BIRC6: variants seen among roughly 807,000 people sequenced by gnomAD.
The protein encoded by BIRC6 is baculoviral IAP repeat containing 6, also known as dual E2 ubiquitin-conjugating enzyme/E3 ubiquitin-protein ligase BIRC6.
BIRC6 carries 98 observed loss-of-function variants against 503.3 expected under a neutral mutation model. The ratio of observed to expected loss-of-function variants is 0.19; its 90% confidence interval spans 0.17 to 0.23. The LOEUF is 0.23. Among genes scored for constraint, BIRC6 ranks in the 10% least tolerant of loss-of-function variants. The probability of loss-of-function intolerance (pLI) is 1.00; values close to 1 mark genes in which losing one functional copy is unlikely to be tolerated. For missense variants in BIRC6, 5,360 were observed against 5,806.0 expected (o/e 0.92, Z 2.50); for synonymous variants, 2,240 against 2,078.7 (o/e 1.08, Z -2.11).
chr2:32,616,468 G>A (rs1315017051), intron 73 of BIRC6, among the ~76,000 whole-genome samples: 1 of 149,656 alleles, frequency 6.7e-6, no homozygotes, highest in Non-Finnish European at 1.5e-5. Flanking sequence ...GCTGAGGCAT[G>A]AGAATTGCTT....
intron 66 of BIRC6, chr2:32,590,747 G>A (rs2061342226): frequency 1.0e-6 from 1 of 968,620 alleles, no homozygotes; most frequent in African/African-American, 1.8e-5. Flanking sequence ...AGTGGAAAAT[G>A]TTTGCAGATA....
chr2:32,584,282 C>G (rs1443159487), intron 66 of BIRC6, among the ~76,000 whole-genome samples: 1 of 152,120 alleles, frequency 6.6e-6, no homozygotes, highest in Non-Finnish European at 1.5e-5. Context: ...TTAATCCCAG[C>G]CCTTCGGGAG....
chr2:32,388,796 T>C lies in BIRC6; in HGVS notation c.692T>C (p.Ile231Thr), dbSNP rs770779307. Residue 231 changes from isoleucine (I) to threonine (T), a missense_variant, in exon 4 of 74, where the codon ATT becomes ACT. By Grantham distance (89) the Ile-to-Thr change is moderately conservative. Coordinates refer to ENST00000421745, the MANE Select transcript of BIRC6 (RefSeq NM_016252.4). ...FHLPHHVLKS[I>T]ASAIVNELKK... ...CTTCCTCATCATGTGTTGAAGTCCA[T>C]TGCCAGTGCCATTGTAAATGAACTC... is the stretch of plus-strand genomic sequence containing the variant. 4 of 1,611,948 alleles carry C rather than the reference T, an allele frequency of 2.5e-6. No individual in the cohort carries two copies. Among genetic ancestry groups the C allele is most frequent in the Admixed American group, 3.4e-5 (2 of 59,390 alleles).
intron 39 of BIRC6, among the ~76,000 whole-genome samples, chr2:32,483,693 A>T (rs541068953): frequency 6.6e-6 from 1 of 152,310 alleles, no homozygotes; most frequent in East Asian, 1.9e-4. Context: ...ACTTTTGAAG[A>T]TGGCAGGCCA....
intron 39 of BIRC6, among the ~76,000 whole-genome samples, chr2:32,482,807 A>T (rs981352602): frequency 6.6e-6 from 1 of 152,014 alleles, no homozygotes; most frequent in Admixed American, 6.6e-5. Context: ...GTTGTATGGG[A>T]TTGGCAATGA....
Position 32,491,569 on chromosome 2 carries a change from G to T in BIRC6, c.8340+11G>T, listed in dbSNP as rs558830568. ...CAACACAGTCCACAGGTAATATGAT[G>T]TTTAGCCTGGCATATGCCCAGACTA... On this transcript the variant is annotated intron_variant, in intron 44 of 73. Coordinates refer to ENST00000421745, the MANE Select transcript of BIRC6 (RefSeq NM_016252.4). 9.9e-6 allele frequency: 16 copies of T among 1,611,316 alleles called. No homozygotes were observed. The East Asian group carries it at 3.6e-4, about 36-fold the overall frequency.
intron 45 of BIRC6, 105 bp downstream of exon 45, chr2:32,493,772 G>A: frequency 1.1e-6 from 1 of 906,100 alleles, no homozygotes. Context: ...GAACAAATAA[G>A]CAGGAGGACG....
chr2:32,407,989 A>G lies in BIRC6; in HGVS notation c.1477+1432A>G, dbSNP rs1480086730. Among the ~76,000 whole-genome samples the G allele has an allele frequency of 6.0e-5, 9 of 150,024 alleles. No individual in the cohort carries two copies. In the South Asian group the frequency reaches 1.3e-3, roughly 21 times the overall value. On this transcript the variant is annotated intron_variant, in intron 9 of 73. Coordinates refer to ENST00000421745, the MANE Select transcript of BIRC6 (RefSeq NM_016252.4). Reference sequence around the variant, plus strand: ...TTTCTTTCTTTCTTTTTTTTTTGAGACAGAGTCTTGCTCTGTTGCCCAGGC... The same window carrying G: ...TTTCTTTCTTTCTTTTTTTTTTGAGGCAGAGTCTTGCTCTGTTGCCCAGGC...
chr2:32,426,922 GTTTC>G (rs1296408319), intron 10 of BIRC6, among the ~76,000 whole-genome samples: 6 of 152,148 alleles, frequency 3.9e-5, no homozygotes, highest in Non-Finnish European at 8.8e-5. Flanking sequence ...TCTGTTGACA[GTTTC>G]TTTCTGTACT....
chr2:32,460,232 AT>A (rs1472300214), intron 23 of BIRC6, among the ~76,000 whole-genome samples: 2 of 117,814 alleles, frequency 1.7e-5, no homozygotes, highest in African/African-American at 3.2e-5. Flanking sequence ...CTCATATGAT[AT>A]ATCTCGTATA....
intron 37 of BIRC6, among the ~76,000 whole-genome samples, chr2:32,480,706 A>G (rs1048481582): frequency 4.0e-5 from 5 of 125,958 alleles, no homozygotes; most frequent in African/African-American, 3.1e-5. Context: ...CAATGGCGTG[A>G]TCTCAGCTCA....
intron 65 of BIRC6, among the ~76,000 whole-genome samples, chr2:32,559,578 A>G (rs539644144): frequency 2.6e-5 from 4 of 152,238 alleles, no homozygotes; most frequent in African/African-American, 7.2e-5. Context: ...AGGGTTTATT[A>G]TCTTTATCCA....
intron 10 of BIRC6, among the ~76,000 whole-genome samples, chr2:32,418,860 A>G (rs1013530468): frequency 6.6e-6 from 1 of 152,210 alleles, no homozygotes; most frequent in Non-Finnish European, 1.5e-5. Flanking sequence ...AGACAGGAGA[A>G]TCACTTGAAC....
chr2:32,377,392 A>G (rs527579936), intron 1 of BIRC6, among the ~76,000 whole-genome samples, 196 bp from the exon 2 acceptor site: 7 of 152,286 alleles, frequency 4.6e-5, no homozygotes, highest in African/African-American at 1.4e-4. Context: ...GTAATTTCAC[A>G]TTGATACTTT....
At chr2:32,575,481 T>G in intron 66 of BIRC6, 115 bp downstream of exon 66, 3 of 956,216 alleles carry the variant, frequency 3.1e-6, no homozygotes. Flanking sequence ...ATATACACCC[T>G]CGGCTGGGTG....
At position 32,414,967 on chromosome 2, in the gene BIRC6, A is replaced by G. The variant is rs745583524; in HGVS notation, c.1676A>G (p.Gln559Arg). 1 of 1,613,906 alleles carries G rather than the reference A, an allele frequency of 6.2e-7. No individual in the cohort carries two copies. The highest frequency in any genetic ancestry group is 1.3e-5 in the African/African-American group (1 of 74,948). The change falls in exon 10 of 74, where the codon CAA (glutamine) becomes CGA (arginine). Residue 559 changes from glutamine to arginine, a missense_variant. Physicochemically the swap from Gln to Arg is conservative, Grantham distance 43. Coordinates refer to ENST00000421745, the MANE Select transcript of BIRC6 (RefSeq NM_016252.4). ...SEKTKEKHQE[Q>R]HNIPFPCLLA... ...AAGACAAAGGAAAAGCACCAGGAGC[A>G]ACACAACATTCCTTTTCCATGTTTA...
intron 66 of BIRC6, among the ~76,000 whole-genome samples, chr2:32,591,168 G>A (rs2151348009): frequency 6.6e-6 from 1 of 152,150 alleles, no homozygotes; most frequent in South Asian, 2.1e-4. Flanking sequence ...TTTTTTCGGT[G>A]TGTTTTTGTC....
chr2:32,572,333 C>G (rs1335716113), intron 65 of BIRC6, among the ~76,000 whole-genome samples: 1 of 152,140 alleles, frequency 6.6e-6, no homozygotes, highest in Non-Finnish European at 1.5e-5. Flanking sequence ...AAGTCTCCCA[C>G]TATTATTGTA....
chr2:32,413,889 A>G (rs980750220), intron 9 of BIRC6, among the ~76,000 whole-genome samples: 2 of 152,174 alleles, frequency 1.3e-5, no homozygotes, highest in African/African-American at 2.4e-5. Flanking sequence ...AATATCTACT[A>G]CAATGTAAAT....
Sources: gnomAD v4.1 joint callset for allele counts (sites outside exome capture counted in the v4.1 genomes callset) on GRCh38, gnomAD v4.1.1 for gene constraint, MANE v1.5 for transcripts, NCBI Gene and HGNC (gene_info 2026-07-23, HGNC 2026-07-21) for gene names.